Variants in KALRN observed in about 807,000 individuals in gnomAD.
The protein encoded by KALRN is kalirin.
Under a neutral mutation model 353.7 loss-of-function variants are expected in KALRN, and 70 were observed. That is an observed-to-expected ratio of 0.20 (90% confidence interval 0.16 to 0.24). The LOEUF (loss-of-function observed/expected upper bound fraction) is 0.24, where lower values mean the gene tolerates loss of function less well. Among genes scored for constraint, KALRN ranks in the 10% least tolerant of loss-of-function variants. The pLI, the probability that KALRN is intolerant of heterozygous loss-of-function variation, is 1.00. For missense variants in KALRN, 2,791 were observed against 3,756.7 expected, an observed-to-expected ratio of 0.74 and a Z score of 6.72; for synonymous variants, 1,391 against 1,434.8, an observed-to-expected ratio of 0.97 and a Z score of 0.69.
chr3:124,491,194 TAA>T (rs971546790), intron 30 of KALRN, 127 bp from the exon 31 acceptor site: 61 of 612,180 alleles, frequency 1.0e-4, no homozygotes, highest in Admixed American at 9.6e-5. Flanking sequence ...TCCAATCTGT[TAA>T]AGTTTGATTG....
intron 1 of KALRN, among the ~76,000 whole-genome samples, chr3:124,165,977 T>C (rs1276025080): frequency 1.3e-5 from 2 of 152,126 alleles, no homozygotes; most frequent in African/African-American, 4.8e-5. Context: ...CTTGTCCTCA[T>C]CTCAGGGCCT....
At chr3:124,639,256 G>A (rs2081736287) in intron 37 of KALRN, among the ~76,000 whole-genome samples, 1 of 151,930 alleles carries the variant, frequency 6.6e-6, no homozygotes. Context: ...CCTCTACAAG[G>A]GCTTCTCTGA....
intron 3 of KALRN, among the ~76,000 whole-genome samples, chr3:124,235,177 A>G (rs1428792501): frequency 1.6e-4 from 25 of 152,164 alleles, no homozygotes; most frequent in Admixed American, 1.6e-3. Context: ...TCAACTCTGT[A>G]TCACTCAGCT....
chr3:124,244,564 T>C (rs1370455276), intron 3 of KALRN, among the ~76,000 whole-genome samples: 1 of 152,214 alleles, frequency 6.6e-6, no homozygotes, highest in Non-Finnish European at 1.5e-5. Context: ...AGAAATGGAC[T>C]GTATTGTTTC....
At chr3:124,050,491 C>G (rs554004609) in intron 1 of KALRN, among the ~76,000 whole-genome samples, 10 of 152,334 alleles carry the variant, frequency 6.6e-5, no homozygotes, top group Non-Finnish European at 1.5e-4. Flanking sequence ...AGGCATTTTT[C>G]TAGAGGCCTT....
At chr3:124,035,545 C>T (rs2039337756) in intron 1 of KALRN, among the ~76,000 whole-genome samples, 1 of 152,202 alleles carries the variant, frequency 6.6e-6, no homozygotes, top group African/African-American at 2.4e-5. Context: ...GTGCCCACTC[C>T]TCTTTCCCCT....
At chr3:124,440,701 AG>A (rs1446358106) in intron 18 of KALRN, among the ~76,000 whole-genome samples, 3 of 151,914 alleles carry the variant, frequency 2.0e-5, no homozygotes, top group African/African-American at 4.8e-5. Flanking sequence ...GGTGTGTAGA[AG>A]AAAAAAATTT....
At chr3:124,590,202 A>G (rs1230456080) in intron 34 of KALRN, among the ~76,000 whole-genome samples, 1 of 152,188 alleles carries the variant, frequency 6.6e-6, no homozygotes, top group Non-Finnish European at 1.5e-5. Flanking sequence ...TACAGTATCA[A>G]TTAGTATCTG....
intron 34 of KALRN, among the ~76,000 whole-genome samples, chr3:124,597,734 G>C (rs2076402873): frequency 6.6e-6 from 1 of 151,918 alleles, no homozygotes; most frequent in Admixed American, 6.5e-5. Context: ...TTTTTATATT[G>C]GTTATATATT....
At position 124,608,010 on chromosome 3, in the gene KALRN, ATT is replaced by A. The variant is rs11306987; in HGVS notation, c.5183-24395_5183-24394del. On this transcript the variant is annotated intron_variant, in intron 34 of 59. Transcript: ENST00000682506. The stretch of plus-strand genomic sequence containing the variant: ...ACAAATTTATAATCTCTCTTTTTTA[ATT>A]TTTTTTTTTTTTTTAGGACAGGGTC... Among the ~76,000 whole-genome samples, 555 of 138,918 alleles carry A rather than the reference ATT, an allele frequency of 4.0e-3. 2 individuals carry two copies. The highest frequency in any genetic ancestry group is 0.012 in the African/African-American group (442 of 37,440). The allele number at this position is 138,918 out of a possible 152,430, so 91.1% of individuals were successfully genotyped here. A position where few individuals can be genotyped will look rare whatever the true frequency, so the allele number is the denominator to read the frequency against.
At chr3:124,048,718 G>T (rs758503837) in intron 1 of KALRN, among the ~76,000 whole-genome samples, 1 of 152,136 alleles carries the variant, frequency 6.6e-6, no homozygotes, top group Non-Finnish European at 1.5e-5. Context: ...TCCTGATCTC[G>T]TGATCCGCCT....
At chr3:124,518,965 A>T in intron 33 of KALRN, 3 of 990,272 alleles carry the variant, frequency 3.0e-6, no homozygotes, top group Non-Finnish European at 3.6e-6. Flanking sequence ...CATGAGAAAG[A>T]GGGAAGAAGA....
intron 21 of KALRN, among the ~76,000 whole-genome samples, chr3:124,454,630 G>C (rs1201774294): frequency 6.6e-6 from 1 of 151,686 alleles, no homozygotes; most frequent in Non-Finnish European, 1.5e-5. Flanking sequence ...CGTATCTACA[G>C]GTGTCGCATC....
At chr3:124,359,144 T>G (rs1285144503) in intron 10 of KALRN, among the ~76,000 whole-genome samples, 1 of 152,216 alleles carries the variant, frequency 6.6e-6, no homozygotes, top group East Asian at 1.9e-4. Context: ...CCTTGACATC[T>G]TTTTAACCCA....
At chr3:124,080,034 T>C in intron 1 of KALRN, 1 of 471,208 alleles carries the variant, frequency 2.1e-6, no homozygotes, top group South Asian at 1.5e-5. Context: ...TTGCATTCTA[T>C]GTTGCCAGTG....
At chr3:124,080,055 C>G in intron 1 of KALRN, 1 of 471,180 alleles carries the variant, frequency 2.1e-6, no homozygotes, top group South Asian at 1.5e-5. Context: ...TTCCTGCTGC[C>G]AGAATTGGAT....
chr3:124,220,187 C>T (rs962620477), intron 1 of KALRN, among the ~76,000 whole-genome samples: 3 of 152,158 alleles, frequency 2.0e-5, no homozygotes, highest in Non-Finnish European at 4.4e-5. Context: ...TCGTGATCTG[C>T]CCACTTGGGC....
At chr3:124,472,788 A>G (rs924386297) in intron 25 of KALRN, among the ~76,000 whole-genome samples, 2 of 152,162 alleles carry the variant, frequency 1.3e-5, no homozygotes, top group Admixed American at 6.5e-5. Flanking sequence ...TGTCACTTGT[A>G]GTTCTTTAAA....
At chr3:124,149,045 A>T (rs1178600690) in intron 1 of KALRN, among the ~76,000 whole-genome samples, 1 of 152,244 alleles carries the variant, frequency 6.6e-6, no homozygotes, top group East Asian at 1.9e-4. Context: ...TGACTAAAAA[A>T]ACTGAAACTC....
Sources: allele counts gnomAD v4.1 joint callset (sites outside exome capture counted in the v4.1 genomes callset), GRCh38; gene constraint gnomAD v4.1.1; transcripts MANE v1.5; gene names NCBI Gene and HGNC (gene_info 2026-07-23, HGNC 2026-07-21).